STAM: variants seen among roughly 807,000 people sequenced by gnomAD.
STAM encodes the protein signal transducing adaptor molecule.
Under a neutral mutation model 63.4 loss-of-function variants are expected in STAM, and 16 were observed. The observed-to-expected ratio is 0.25, with a 90% CI of 0.17 to 0.38. The LOEUF (loss-of-function observed/expected upper bound fraction) is 0.38. Among genes scored for constraint, STAM ranks in the 10% least tolerant of loss-of-function variants. The probability of loss-of-function intolerance (pLI) is 1.00; values close to 1 mark genes in which losing one functional copy is unlikely to be tolerated. For missense variants in STAM, 636 were observed against 657.1 expected, an observed-to-expected ratio of 0.97 and a Z score of 0.35; for synonymous variants, 238 against 223.9, an observed-to-expected ratio of 1.06 and a Z score of -0.56.
At chr10:17,696,233 G>A (rs1270323141) in intron 7 of STAM, 2 of 151,470 alleles carry the variant, frequency 1.3e-5, no homozygotes, top group South Asian at 2.1e-4. Context: ...AAAACCTTAC[G>A]TCTGTTCTTT....
intron 2 of STAM, among the ~76,000 whole-genome samples, chr10:17,677,626 C>G (rs1834907767): frequency 6.6e-6 from 1 of 152,152 alleles, no homozygotes; most frequent in South Asian, 2.1e-4. Flanking sequence ...TCTAATGATG[C>G]TGCTATCCAA....
At chr10:17,683,390 G>A (rs112178818) in intron 2 of STAM, among the ~76,000 whole-genome samples, 50 of 152,112 alleles carry the variant, frequency 3.3e-4, no homozygotes, top group African/African-American at 9.4e-4. Context: ...CCAAACTTCC[G>A]GACTCAAGCC....
intron 8 of STAM, among the ~76,000 whole-genome samples, chr10:17,697,891 A>G (rs1162040905): frequency 2.0e-5 from 3 of 152,172 alleles, no homozygotes; most frequent in African/African-American, 2.4e-5. Context: ...AAAATTACAA[A>G]CCACAAGATG....
At chr10:17,674,160 T>A (rs1355774442) in intron 2 of STAM, among the ~76,000 whole-genome samples, 1 of 152,174 alleles carries the variant, frequency 6.6e-6, no homozygotes, top group Non-Finnish European at 1.5e-5. Context: ...AAGTTATGTT[T>A]TAAACAGAGA....
chr10:17,696,349 A>C (rs781882391), intron 7 of STAM, among the ~76,000 whole-genome samples: 1 of 152,028 alleles, frequency 6.6e-6, no homozygotes, highest in Non-Finnish European at 1.5e-5. Flanking sequence ...CATCTTTGAC[A>C]TTCGTTCTGT....
intron 12 of STAM, among the ~76,000 whole-genome samples, chr10:17,707,618 CAAAA>C (rs1836352930): frequency 6.6e-6 from 1 of 151,570 alleles, no homozygotes; most frequent in South Asian, 2.1e-4. Flanking sequence ...GACAAGGAAG[CAAAA>C]AACCTTCATG....
intron 2 of STAM, among the ~76,000 whole-genome samples, chr10:17,674,998 A>G (rs1834787186): frequency 6.6e-6 from 1 of 152,224 alleles, no homozygotes; most frequent in Non-Finnish European, 1.5e-5. Flanking sequence ...ACATTTAATT[A>G]TGACTTTTGA....
At chr10:17,703,101 A>C (rs1241164466) in intron 9 of STAM, among the ~76,000 whole-genome samples, 1 of 151,906 alleles carries the variant, frequency 6.6e-6, no homozygotes, top group Admixed American at 6.6e-5. Flanking sequence ...TACTTCTTTG[A>C]CACTAAATAA....
intron 1 of STAM, among the ~76,000 whole-genome samples, chr10:17,648,583 T>A (rs1364601224): frequency 6.6e-6 from 1 of 152,186 alleles, no homozygotes; most frequent in Admixed American, 6.5e-5. Context: ...ATTCTTGACG[T>A]CAGCGAGACC....
In STAM at chr10:17,715,919, C is replaced by A. The variant is rs190716957; in HGVS notation, c.*1139C>A. The A allele has an allele frequency of 1.6e-3, 238 of 152,706 alleles. 3 individuals carry two copies. The highest frequency in any genetic ancestry group is 3.4e-4 in the Non-Finnish European group (23 of 68,022). The allele number at this position is 152,706 out of a possible 1,614,324, so 9.5% of individuals were successfully genotyped here. A position where few individuals can be genotyped will look rare whatever the true frequency, so the allele number is the denominator to read the frequency against. ...TAGATGTTTCAAAGTAATCTACATT[C>A]CTGGCTTTGCTTAACGTTTATATAG... On this transcript the variant is annotated 3_prime_UTR_variant, in exon 14 of 14. Transcript: ENST00000377524.
At chr10:17,683,453 C>T (rs1554825691) in intron 2 of STAM, among the ~76,000 whole-genome samples, 2 of 152,282 alleles carry the variant, frequency 1.3e-5, no homozygotes, top group Middle Eastern at 3.4e-3. Context: ...TGAGCTGCTG[C>T]ACCCAAGCTA....
At chr10:17,703,442 C>G (rs911546475) in intron 9 of STAM, among the ~76,000 whole-genome samples, 1 of 150,952 alleles carries the variant, frequency 6.6e-6, no homozygotes, top group Non-Finnish European at 1.5e-5. Flanking sequence ...TAAATAATTA[C>G]TTTGCTTAGG....
At chr10:17,658,278 C>T (rs1554822429) in intron 1 of STAM, among the ~76,000 whole-genome samples, 1 of 151,534 alleles carries the variant, frequency 6.6e-6, no homozygotes, top group East Asian at 1.9e-4. Flanking sequence ...TTATTGATTT[C>T]TAGTTTATTC....
chr10:17,692,318 T>C (rs1835575010), intron 5 of STAM, among the ~76,000 whole-genome samples: 1 of 152,204 alleles, frequency 6.6e-6, no homozygotes, highest in Non-Finnish European at 1.5e-5. Context: ...TGAGGGATGC[T>C]TCATTGACAG....
chr10:17,697,673 A>G (rs1320806517), intron 8 of STAM, among the ~76,000 whole-genome samples: 1 of 152,230 alleles, frequency 6.6e-6, no homozygotes, highest in Non-Finnish European at 1.5e-5. Flanking sequence ...ATGAATCTTC[A>G]TAATGATGAG....
At chr10:17,666,534 A>G (rs1589043299) in intron 2 of STAM, among the ~76,000 whole-genome samples, 1 of 151,840 alleles carries the variant, frequency 6.6e-6, no homozygotes, top group African/African-American at 2.4e-5. Flanking sequence ...AGCTGGGACT[A>G]CAGGCACCCG....
chr10:17,692,944 C>T (rs569352928), intron 5 of STAM, among the ~76,000 whole-genome samples: 4 of 152,136 alleles, frequency 2.6e-5, no homozygotes, highest in South Asian at 4.2e-4. Flanking sequence ...AGTCTGTCTT[C>T]TCTGACTTGT....
chr10:17,665,990 T>C (rs1834359219), intron 2 of STAM, among the ~76,000 whole-genome samples: 1 of 152,158 alleles, frequency 6.6e-6, no homozygotes, highest in Non-Finnish European at 1.5e-5. Flanking sequence ...ACAATGATAA[T>C]AGCCGTTTTC....
intron 12 of STAM, among the ~76,000 whole-genome samples, chr10:17,707,445 A>G (rs1355633038): frequency 6.6e-6 from 1 of 152,032 alleles, no homozygotes; most frequent in Admixed American, 6.6e-5. Context: ...AAATAAAAAC[A>G]AAACTAGCCA....
Sources: allele counts gnomAD v4.1 joint callset (sites outside exome capture counted in the v4.1 genomes callset), GRCh38; gene constraint gnomAD v4.1.1; transcripts MANE v1.5; gene names NCBI Gene and HGNC (gene_info 2026-07-23, HGNC 2026-07-21).